KRTAP4-6: variants seen among roughly 807,000 people sequenced by gnomAD.
KRTAP4-6 encodes the protein keratin associated protein 4-6, also known as keratin-associated protein 4-6.
KRTAP4-6 carries 1 observed loss-of-function variant against 3.6 expected under a neutral mutation model. That is an observed-to-expected ratio of 0.28 (90% CI 0.10 to 1.32). The LOEUF (loss-of-function observed/expected upper bound fraction) is 1.32. Ranked by LOEUF, KRTAP4-6 falls within the 40% of genes most tolerant of loss-of-function variation. The pLI is 0.45. For missense variants in KRTAP4-6, 275 were observed against 280.3 expected (o/e 0.98, Z 0.14); for synonymous variants, 97 against 96.7 (o/e 1.00, Z -0.02).
chr17:41,139,925 G>A lies in KRTAP4-6; in HGVS notation c.563C>T (p.Thr188Ile), dbSNP rs367641303. 3.7e-6 allele frequency: 6 copies of A among 1,604,258 alleles called. No individual in the cohort carries two copies. The African/African-American group carries it at 6.7e-5, about 18-fold the overall frequency. ...ACGGGGGCAGGTGGAAATGACACAG[G>A]TTGGGCGATAGCAAGTGGTGTGGCA... The change falls in exon 1 of 1, where the codon ACC (threonine) becomes ATC (isoleucine). Residue 188 changes from threonine to isoleucine, a missense_variant. Thr to Ile is a moderately conservative substitution (Grantham distance 89). Coordinates refer to ENST00000345847, the Ensembl canonical transcript of KRTAP4-6.
At chr17:41,139,517 T>A in exon 1 of KRTAP4-6, 2 of 335,930 alleles carry the variant, frequency 6.0e-6, no homozygotes, top group Non-Finnish European at 1.1e-5. Flanking sequence ...AAATACAGGG[T>A]GAAACAATCA....
At chr17:41,140,222 C>A in exon 1 of KRTAP4-6, 1 of 1,595,858 alleles carries the variant, frequency 6.3e-7, no homozygotes, top group Non-Finnish European at 8.6e-7. Flanking sequence ...GGGTCTGCAG[C>A]AGCTGGATAC....
exon 1 of KRTAP4-6, chr17:41,139,664 T>G: frequency 2.5e-6 from 2 of 807,068 alleles, no homozygotes; most frequent in Non-Finnish European, 3.8e-6. Flanking sequence ...AATTTCTTTC[T>G]GTAAATAATA....
rs748657734 is a variant in KRTAP4-6, at chr17:41,140,091, C to A, written c.397G>T (p.Val133Leu). Reference sequence around the variant, plus strand: ...CGGCAGCAGGTTGGCTGGCAGCACACAGACTGGCAGCACTGGGACCTGCAG... The same window carrying A: ...CGGCAGCAGGTTGGCTGGCAGCACAAAGACTGGCAGCACTGGGACCTGCAG... Residue 133 changes from valine (V) to leucine (L), a missense_variant, in exon 1 of 1, where the codon GTG becomes TTG. Val to Leu is a conservative substitution (Grantham distance 32, BLOSUM62 1). Coordinates refer to ENST00000345847, the Ensembl canonical transcript of KRTAP4-6. The A allele has an allele frequency of 2.7e-6, 4 of 1,459,426 alleles. No individual in the cohort carries two copies. Among genetic ancestry groups the A allele is most frequent in the Middle Eastern group, 1.9e-4 (1 of 5,348 alleles). The allele number at this position is 1,459,426 out of a possible 1,614,324, so 90.4% of individuals were successfully genotyped here.
chr17:41,140,423 C>G, exon 1 of KRTAP4-6: 1 of 1,613,948 alleles, frequency 6.2e-7, no homozygotes, highest in Non-Finnish European at 8.5e-7. Context: ...GCAGCTGGGG[C>G]GGCAGCAGGT....
exon 1 of KRTAP4-6, chr17:41,139,922 C>A: frequency 6.2e-7 from 1 of 1,603,482 alleles, no homozygotes; most frequent in South Asian, 1.1e-5. Context: ...GGAAATGACA[C>A]AGGTTGGGCG....
rs758873893 is a variant in KRTAP4-6, at chr17:41,140,254, G to A, written c.234C>T (p.Thr78=). Residue 78 remains threonine, a synonymous_variant, in exon 1 of 1, where the codon ACC becomes ACT. Transcript: ENST00000345847. ...ATACACAGCAGCTAGGGCGGCAGCA[G>A]GTGGTCCTGCAGCAGGTGGTCTGAC... 7 of 1,603,814 alleles carry A rather than the reference G, an allele frequency of 4.4e-6. No homozygotes were observed. In the African/African-American group the frequency reaches 8.3e-5, roughly 19 times the overall value.
chr17:41,140,054 C>G lies in KRTAP4-6; in HGVS notation c.434G>C (p.Cys145Ser), dbSNP rs767102265. 7 of 1,613,570 alleles carry G rather than the reference C, an allele frequency of 4.3e-6. No homozygotes were observed. The East Asian group carries it at 1.3e-4, about 31-fold the overall frequency. ...AGAGGGGCGGCAGCAGCTGGAGATGCAGCAGCTGGGACGGCAGCAGGTTGG... is the reference window on the plus strand; with the variant it reads ...AGAGGGGCGGCAGCAGCTGGAGATGGAGCAGCTGGGACGGCAGCAGGTTGG... Residue 145 changes from cysteine (C) to serine (S), a missense_variant, in exon 1 of 1, where the codon TGC becomes TCC. Cys to Ser is a moderately radical substitution (Grantham distance 112, BLOSUM62 -1). Transcript: ENST00000345847.
chr17:41,140,424 G>A lies in KRTAP4-6; in HGVS notation c.64C>T (p.Arg22Cys), dbSNP rs199706293. The A allele has an allele frequency of 5.8e-4, 931 of 1,613,804 alleles. 1 individual carries two copies. Among genetic ancestry groups the A allele is most frequent in the Non-Finnish European group, 6.9e-4 (814 of 1,179,798 alleles). ...CAGGTGGTCTGACAGCAGCTGGGGC[G>A]GCAGCAGGTCTCCAGGCCACAGCCC... The change falls in exon 1 of 1, where the codon CGC (arginine) becomes TGC (cysteine). Residue 22 changes from arginine to cysteine, a missense_variant. Transcript: ENST00000345847.
At chr17:41,140,471 C>G (rs754318799) in exon 1 of KRTAP4-6, 1 of 1,612,516 alleles carries the variant, frequency 6.2e-7, no homozygotes, top group African/African-American at 1.3e-5. Flanking sequence ...GACGGAACCA[C>G]AACAGGAGCT....
At chr17:41,139,665 G>T (rs1345802759) in exon 1 of KRTAP4-6, 3 of 813,950 alleles carry the variant, frequency 3.7e-6, no homozygotes, top group Non-Finnish European at 5.6e-6. Flanking sequence ...ATTTCTTTCT[G>T]TAAATAATAT....
exon 1 of KRTAP4-6, chr17:41,139,889 C>A: frequency 6.3e-7 from 1 of 1,589,738 alleles, no homozygotes; most frequent in Non-Finnish European, 8.6e-7. Context: ...AGAGGAGGCA[C>A]AGCACAAGGG....
At position 41,140,134 on chromosome 17, in the gene KRTAP4-6, G is replaced by T. The variant is rs748676148; in HGVS notation, c.354C>A (p.Ser118Arg). Residue 118 changes from serine to arginine, a missense_variant, in exon 1 of 1, where the codon AGC (serine) becomes AGA (arginine). Physicochemically the swap from Ser to Arg is moderately radical, Grantham distance 110. Transcript: ENST00000345847. Reference sequence around the variant, plus strand: ...ACCTGCAGCACCTGGACACACAGCAGCTGGGGCGACAGCAGCTGGAGATGC... The same window carrying T: ...ACCTGCAGCACCTGGACACACAGCATCTGGGGCGACAGCAGCTGGAGATGC... The T allele has an allele frequency of 2.1e-6, 3 of 1,449,986 alleles. No individual in the cohort carries two copies. In the South Asian group the frequency reaches 3.8e-5, roughly 18 times the overall value. The allele number at this position is 1,449,986 out of a possible 1,614,324, so 89.8% of individuals were successfully genotyped here.
chr17:41,140,472 A>C, exon 1 of KRTAP4-6: 2 of 1,612,704 alleles, frequency 1.2e-6, no homozygotes, highest in South Asian at 1.1e-5. Context: ...ACGGAACCAC[A>C]ACAGGAGCTG....
At chr17:41,139,875 A>G (rs758098926) in exon 1 of KRTAP4-6, 3 of 1,581,306 alleles carry the variant, frequency 1.9e-6, no homozygotes, top group Non-Finnish European at 1.7e-6. Flanking sequence ...GGAGCTCAGC[A>G]GCAAGAGGAG....
chr17:41,140,521 C>T, upstream of KRTAP4-6: 1 of 1,580,288 alleles, frequency 6.3e-7, no homozygotes, highest in Non-Finnish European at 8.6e-7. Context: ...GGTGGGTTTC[C>T]AAGAGAGTGA....
exon 1 of KRTAP4-6, chr17:41,140,040 A>G: frequency 5.6e-6 from 9 of 1,612,884 alleles, no homozygotes; most frequent in Non-Finnish European, 7.6e-6. Context: ...GAGGGGCGGC[A>G]GCAGCTGGAG....
exon 1 of KRTAP4-6, chr17:41,139,745 T>C (rs1316587183): frequency 3.0e-6 from 4 of 1,339,040 alleles, no homozygotes; most frequent in Non-Finnish European, 4.0e-6. Flanking sequence ...ATATCCTAGA[T>C]ATATGTCCAG....
At position 41,140,027 on chromosome 17, in the gene KRTAP4-6, C is replaced by CA; in HGVS notation, c.460dup (p.Cys154LeufsTer3). ...CGGGCGGCAGCAGCTGGATTCACAGCAAGAGGGGCGGCAGCAGCTGGAGAT... is the reference window on the plus strand; with the variant it reads ...CGGGCGGCAGCAGCTGGATTCACAGCAAAGAGGGGCGGCAGCAGCTGGAGAT... On this transcript the variant is annotated frameshift_variant, in exon 1 of 1. Coordinates refer to ENST00000345847, the Ensembl canonical transcript of KRTAP4-6. LOFTEE classifies it high-confidence loss of function. 2 of 1,604,676 alleles carry CA rather than the reference C, an allele frequency of 1.2e-6. No homozygotes were observed. The highest frequency in any genetic ancestry group is 1.7e-6 in the Non-Finnish European group (2 of 1,171,922).
Sources: allele counts gnomAD v4.1 joint callset, GRCh38; gene constraint gnomAD v4.1.1; transcripts MANE v1.5; gene names NCBI Gene and HGNC (gene_info 2026-07-23, HGNC 2026-07-21).